MGAT4C: variants seen among roughly 807,000 people sequenced by gnomAD.
The protein encoded by MGAT4C is MGAT4 family member C.
In MGAT4C, 19 loss-of-function variants were observed where a neutral mutation model predicts 40.1. The observed-to-expected ratio is 0.47, with a 90% confidence interval of 0.33 to 0.70. The LOEUF is 0.70. MGAT4C is among the 30% of genes least tolerant of loss of function. The probability of loss-of-function intolerance (pLI) is 0.02; values close to 1 mark genes in which losing one functional copy is unlikely to be tolerated. For missense variants in MGAT4C, 491 were observed against 563.2 expected, an observed-to-expected ratio of 0.87 and a Z score of 1.30; for synonymous variants, 181 against 187.1, an observed-to-expected ratio of 0.97 and a Z score of 0.27.
intron 2 of MGAT4C, among the ~76,000 whole-genome samples, chr12:86,533,875 T>C (rs955664919): frequency 1.9e-4 from 28 of 149,302 alleles, no homozygotes; most frequent in African/African-American, 6.8e-4. Flanking sequence ...CAGGCACAAC[T>C]GACCAGCATA....
At chr12:86,025,744 T>C (rs1247703017) in intron 2 of MGAT4C, among the ~76,000 whole-genome samples, 2 of 151,688 alleles carry the variant, frequency 1.3e-5, no homozygotes, top group East Asian at 1.9e-4. Context: ...TATCTATTTA[T>C]TTATTATGGA....
chr12:86,538,419 T>C (rs1397653868), intron 2 of MGAT4C, among the ~76,000 whole-genome samples: 1 of 152,152 alleles, frequency 6.6e-6, no homozygotes, highest in Non-Finnish European at 1.5e-5. Context: ...GATCTCATGA[T>C]GGAGTTTACA....
intron 2 of MGAT4C, among the ~76,000 whole-genome samples, chr12:86,535,603 A>G (rs1959055284): frequency 6.6e-6 from 1 of 152,052 alleles, no homozygotes; most frequent in Admixed American, 6.6e-5. Context: ...CCAAAAAGGG[A>G]GTTTTAGTTA....
intron 3 of MGAT4C, among the ~76,000 whole-genome samples, chr12:86,425,117 A>G (rs1956901565): frequency 1.3e-5 from 2 of 152,100 alleles, no homozygotes; most frequent in South Asian, 4.1e-4. Context: ...TCCCATACTC[A>G]TTAAGTGATA....
At chr12:86,028,154 C>G in intron 2 of MGAT4C, 1 of 1,288,426 alleles carries the variant, frequency 7.8e-7, no homozygotes, top group Non-Finnish European at 1.0e-6. Context: ...GTCTTTCTTA[C>G]AACAAATCTG....
chr12:86,436,757 G>A (rs913147829), intron 2 of MGAT4C, among the ~76,000 whole-genome samples: 2 of 151,636 alleles, frequency 1.3e-5, no homozygotes, highest in Non-Finnish European at 1.5e-5. Flanking sequence ...ATTTCAATTG[G>A]AGAATAGGCA....
At chr12:86,042,689 C>A (rs965226706) in intron 2 of MGAT4C, among the ~76,000 whole-genome samples, 2 of 151,294 alleles carry the variant, frequency 1.3e-5, no homozygotes, top group African/African-American at 4.9e-5. Context: ...CACGGTGAAA[C>A]CCCATCTCTA....
intron 2 of MGAT4C, among the ~76,000 whole-genome samples, chr12:86,510,240 A>G (rs1250488496): frequency 6.6e-6 from 1 of 152,144 alleles, no homozygotes; most frequent in Non-Finnish European, 1.5e-5. Context: ...CGTCCCATCA[A>G]TACCTAATTT....
At chr12:86,093,412 G>T (rs886222824) in intron 1 of MGAT4C, among the ~76,000 whole-genome samples, 1 of 152,096 alleles carries the variant, frequency 6.6e-6, no homozygotes, top group Non-Finnish European at 1.5e-5. Context: ...AAATGCTTAT[G>T]TAAGTTATTC....
chr12:86,269,903 A>G (rs1239124360), intron 4 of MGAT4C, among the ~76,000 whole-genome samples: 1 of 152,162 alleles, frequency 6.6e-6, no homozygotes, highest in African/African-American at 2.4e-5. Flanking sequence ...TTGTGATAAA[A>G]TATATATAAC....
At chr12:86,086,291 A>G (rs1451348859) in intron 1 of MGAT4C, among the ~76,000 whole-genome samples, 1 of 152,146 alleles carries the variant, frequency 6.6e-6, no homozygotes, top group Admixed American at 6.6e-5. Flanking sequence ...ACACAGGAAC[A>G]GAAAACCAAA....
chr12:86,468,107 C>A (rs902218307), intron 2 of MGAT4C, among the ~76,000 whole-genome samples: 1 of 152,008 alleles, frequency 6.6e-6, no homozygotes. Context: ...ACTCAAAATT[C>A]ATATGCCCTA....
chr12:86,647,867 C>T (rs1963585467), intron 2 of MGAT4C, among the ~76,000 whole-genome samples: 1 of 151,898 alleles, frequency 6.6e-6, no homozygotes, highest in Admixed American at 6.6e-5. Flanking sequence ...CTTCCTAATT[C>T]CCTGTACCAG....
intron 1 of MGAT4C, among the ~76,000 whole-genome samples, chr12:86,203,014 CTGTGTGTGTGTGTGTGTGTGTG>C (rs10587166): frequency 6.8e-6 from 1 of 147,388 alleles, no homozygotes; most frequent in Non-Finnish European, 1.5e-5. Context: ...TCACATTTTC[CTGTGTGTGTGTGTGTGTGTGTG>C]TGTGTGTGTG....
rs555992331 is a variant in MGAT4C, at chr12:86,060,461, A to G, written c.-56-10738T>C. Among the ~76,000 whole-genome samples the G allele has an allele frequency of 6.6e-5, 10 of 152,326 alleles. No homozygotes were observed. In the East Asian group the frequency reaches 1.5e-3, roughly 24 times the overall value. ...TTATGGCTGGCTATTTAGTCGTATC[A>G]TGATACAATACTTGCAATAAAATAC... On this transcript the variant is annotated intron_variant, in intron 1 of 4. Coordinates refer to ENST00000611864, the MANE Select transcript of MGAT4C (RefSeq NM_001351288.2).
intron 2 of MGAT4C, among the ~76,000 whole-genome samples, chr12:86,536,364 C>T (rs1565833000): frequency 1.3e-5 from 2 of 151,898 alleles, no homozygotes; most frequent in Non-Finnish European, 2.9e-5. Context: ...GACATGGATC[C>T]TTGATGGAAG....
At chr12:86,196,779 C>G (rs1394951382) in intron 1 of MGAT4C, among the ~76,000 whole-genome samples, 1 of 152,178 alleles carries the variant, frequency 6.6e-6, no homozygotes, top group Admixed American at 6.5e-5. Flanking sequence ...CTTTAAGGAG[C>G]AAATTTCCAG....
In MGAT4C at chr12:85,962,644, C is replaced by A. The variant is rs1439952399; in HGVS notation, c.*16645G>T. 1 of 150,690 alleles carries A rather than the reference C, an allele frequency of 6.6e-6. No homozygotes were observed. The highest frequency in any genetic ancestry group is 1.5e-5 in the Non-Finnish European group (1 of 67,420). 9.3% of individuals were successfully genotyped at this position (150,690 alleles called of 1,614,324 possible). On this transcript the variant is annotated 3_prime_UTR_variant, in exon 5 of 5. Transcript: ENST00000611864. ...AGGATGTAGATTGTTTAAGTACATTCAACTTGTAATGAACTGTAAACTTCA... is the reference window on the plus strand; with the variant it reads ...AGGATGTAGATTGTTTAAGTACATTAAACTTGTAATGAACTGTAAACTTCA...
chr12:86,186,516 T>G (rs1356285842), intron 1 of MGAT4C, among the ~76,000 whole-genome samples: 1 of 152,164 alleles, frequency 6.6e-6, no homozygotes, highest in African/African-American at 2.4e-5. Flanking sequence ...CATGCCAATT[T>G]ACCAAGCTGC....
Sources: allele counts gnomAD v4.1 joint callset (sites outside exome capture counted in the v4.1 genomes callset), GRCh38; gene constraint gnomAD v4.1.1; transcripts MANE v1.5; gene names NCBI Gene and HGNC (gene_info 2026-07-23, HGNC 2026-07-21).